Variants in CLCNKA observed in about 807,000 individuals in gnomAD.
CLCNKA encodes the protein chloride channel protein ClC-Ka.
In CLCNKA, 66 loss-of-function variants were observed where a neutral mutation model predicts 83.3. The observed-to-expected ratio is 0.79, with a 90% CI of 0.65 to 0.97. The LOEUF (loss-of-function observed/expected upper bound fraction) is 0.97. Among genes scored for constraint, CLCNKA ranks in the 50% least tolerant of loss-of-function variants. CLCNKA has a pLI of 0.00. For missense variants in CLCNKA, 806 were observed against 888.7 expected (o/e 0.91, Z 1.18); for synonymous variants, 357 against 370.4 (o/e 0.96, Z 0.42).
At chr1:16,033,471 G>A (rs536759726) in intron 19 of CLCNKA, 140 bp from the exon 20 acceptor site, 30 of 934,926 alleles carry the variant, frequency 3.2e-5, no homozygotes, top group Non-Finnish European at 5.1e-5. Context: ...CTCGGCCTCA[G>A]TGATCCCATC....
At position 16,028,821 on chromosome 1, in the gene CLCNKA, T is replaced by C. The variant is rs554235935; in HGVS notation, c.1029T>C (p.Gly343=). 1 of 1,613,704 alleles carries C rather than the reference T, an allele frequency of 6.2e-7. No homozygotes were observed. The highest frequency in any genetic ancestry group is 8.5e-7 in the Non-Finnish European group (1 of 1,180,018). The change falls in exon 11 of 20, where the codon GGT becomes GGC. Residue 343 remains glycine (G), a synonymous_variant. Coordinates refer to ENST00000331433, the MANE Select transcript of CLCNKA (RefSeq NM_004070.4). The part of the protein sequence containing the change: ...LLLASITYPP[G]VGHFLASRLS... Reference sequence around the variant, plus strand: ...TCGCCTCCATCACCTACCCGCCTGGTGTGGGCCACTTCCTAGCTTCTCGGG... The same window carrying C: ...TCGCCTCCATCACCTACCCGCCTGGCGTGGGCCACTTCCTAGCTTCTCGGG...
chr1:16,026,289 C>T (rs776433608), intron 5 of CLCNKA, 42 bp downstream of exon 5: 4 of 1,605,710 alleles, frequency 2.5e-6, no homozygotes, highest in South Asian at 1.1e-5. Flanking sequence ...CCCGCCCACC[C>T]TACCCTGCCC....
chr1:16,032,661 G>T, intron 18 of CLCNKA, 135 bp downstream of exon 18: 1 of 741,410 alleles, frequency 1.3e-6, no homozygotes, highest in Non-Finnish European at 2.4e-6. Flanking sequence ...CCTGGGCCTG[G>T]ACAGGGCAGC....
At chr1:16,026,816 C>T (rs2022373892) in intron 7 of CLCNKA, 41 bp downstream of exon 7, 1 of 1,609,480 alleles carries the variant, frequency 6.2e-7, no homozygotes, top group Non-Finnish European at 8.5e-7. Context: ...GTCCCTCAAG[C>T]TCCTCCCCTC....
intron 17 of CLCNKA, 68 bp from the exon 18 acceptor site, chr1:16,032,375 G>A (rs1570313243): frequency 6.4e-7 from 1 of 1,553,702 alleles, no homozygotes; most frequent in East Asian, 2.2e-5. Context: ...TCTCCTGAGG[G>A]AGAGGTGGTC....
chr1:16,022,231 G>T (rs1370136408), intron 1 of CLCNKA, among the ~76,000 whole-genome samples, 168 bp downstream of exon 1: 1 of 152,086 alleles, frequency 6.6e-6, no homozygotes, highest in Non-Finnish European at 1.5e-5. Flanking sequence ...GAGAAAGGAG[G>T]GTGCTCCGAG....
chr1:16,028,899 C>T (rs2022497146), intron 11 of CLCNKA, 54 bp downstream of exon 11: 2 of 1,592,322 alleles, frequency 1.3e-6, no homozygotes, highest in South Asian at 1.1e-5. Context: ...TTGTTTTCCC[C>T]TTTGCATGTG....
chr1:16,030,250 T>C (rs764326985), intron 14 of CLCNKA, among the ~76,000 whole-genome samples, 175 bp downstream of exon 14: 28 of 152,144 alleles, frequency 1.8e-4, no homozygotes, highest in Admixed American at 5.9e-4. Context: ...GCCCATCACT[T>C]CCTCGTGGCT....
chr1:16,028,680 T>C, intron 10 of CLCNKA, 81 bp from the exon 11 acceptor site: 2 of 1,549,134 alleles, frequency 1.3e-6, no homozygotes, highest in Non-Finnish European at 1.8e-6. Flanking sequence ...GCTCTGCTGC[T>C]GCCTGGACCA....
At chr1:16,032,592 C>A (rs1557457816) in intron 18 of CLCNKA, 66 bp downstream of exon 18, 2 of 1,253,984 alleles carry the variant, frequency 1.6e-6, no homozygotes, top group Non-Finnish European at 2.3e-6. Flanking sequence ...ATGAGGAGCT[C>A]AGGCTCCAGC....
chr1:16,025,642 G>C (rs367571289), intron 4 of CLCNKA, among the ~76,000 whole-genome samples: 1 of 151,970 alleles, frequency 6.6e-6, no homozygotes, highest in Admixed American at 6.6e-5. Context: ...AGCCGAGATC[G>C]AACCACTGCA....
chr1:16,033,060 C>A (rs1254154526), intron 18 of CLCNKA, 110 bp from the exon 19 acceptor site: 2 of 1,165,426 alleles, frequency 1.7e-6, no homozygotes, highest in Non-Finnish European at 2.6e-6. Context: ...TTGCCTCCCA[C>A]ACATATCAGG....
At position 16,032,524 on chromosome 1, in the gene CLCNKA, C is replaced by A. The variant is rs759831315; in HGVS notation, c.1927C>A (p.Gln643Lys). Reference sequence around the variant, plus strand: ...GCTATTCTCAGAGACCACCTTGCACCAGGTAACAAGTATTGGGGAGTGTGA... The same window carrying A: ...GCTATTCTCAGAGACCACCTTGCACAAGGTAACAAGTATTGGGGAGTGTGA... ...LTLFSETTLH[Q>K]AQNLFKLLNL... Residue 643 changes from glutamine (Q) to lysine (K), a missense_variant and splice_region_variant, in exon 18 of 20, where the codon CAG becomes AAG. Coordinates refer to ENST00000331433, the MANE Select transcript of CLCNKA (RefSeq NM_004070.4). 1 of 1,611,646 alleles carries A rather than the reference C, an allele frequency of 6.2e-7. No homozygotes were observed. Among genetic ancestry groups the A allele is most frequent in the Non-Finnish European group, 8.5e-7 (1 of 1,178,512 alleles).
chr1:16,033,313 G>T, intron 19 of CLCNKA, 57 bp downstream of exon 19: 2 of 1,574,044 alleles, frequency 1.3e-6, no homozygotes, highest in Non-Finnish European at 1.7e-6. Flanking sequence ...GAAGGCTGGG[G>T]AGATGGGGAG....
chr1:16,026,448 G>T, intron 5 of CLCNKA, 88 bp from the exon 6 acceptor site: 1 of 1,568,652 alleles, frequency 6.4e-7, no homozygotes, highest in Non-Finnish European at 8.7e-7. Flanking sequence ...TTGGGGAGAT[G>T]GAGGAGGGGG....
intron 18 of CLCNKA, 90 bp from the exon 19 acceptor site, chr1:16,033,080 T>A: frequency 2.2e-6 from 3 of 1,370,734 alleles, no homozygotes; most frequent in Non-Finnish European, 3.1e-6. Flanking sequence ...GCCCCGCCCC[T>A]CTTCCTGGCT....
intron 8 of CLCNKA, 123 bp downstream of exon 8, chr1:16,027,558 C>T: frequency 1.3e-6 from 2 of 1,521,632 alleles, no homozygotes; most frequent in South Asian, 1.2e-5. Flanking sequence ...TTCCCTCCTC[C>T]GTGTTCCCAC....
At position 16,026,588 on chromosome 1, in the gene CLCNKA, G is replaced by T. The variant is rs1169904119; in HGVS notation, c.551G>T (p.Arg184Leu). ...ATCGCTGCCTACCTGGGCCGTGTGC[G>T]CACCACGACCATCGGGGAGCCTGAG... ...VMIAAYLGRV[R>L]TTTIGEPENK... Residue 184 changes from arginine (R) to leucine (L), a missense_variant, in exon 6 of 20, where the codon CGC becomes CTC. Coordinates refer to ENST00000331433, the MANE Select transcript of CLCNKA (RefSeq NM_004070.4). The T allele has an allele frequency of 1.2e-5, 19 of 1,613,920 alleles. No individual in the cohort carries two copies. The highest frequency in any genetic ancestry group is 1.6e-5 in the Non-Finnish European group (19 of 1,180,012).
chr1:16,022,951 C>CT (rs2022196470), intron 2 of CLCNKA, among the ~76,000 whole-genome samples: 1 of 152,246 alleles, frequency 6.6e-6, no homozygotes, highest in Non-Finnish European at 1.5e-5. Flanking sequence ...AGCCCAAGGC[C>CT]TGGTCACTGT....
Sources: allele counts gnomAD v4.1 joint callset (sites outside exome capture counted in the v4.1 genomes callset), GRCh38; gene constraint gnomAD v4.1.1; transcripts MANE v1.5; gene names NCBI Gene and HGNC (gene_info 2026-07-23, HGNC 2026-07-21).